RBFOX1: variants seen among roughly 807,000 people sequenced by gnomAD.
RBFOX1 encodes the protein RNA binding fox-1 homolog 1, also known as RNA binding protein fox-1 homolog 1.
In RBFOX1, 8 loss-of-function variants were observed where a neutral mutation model predicts 57.7. The ratio of observed to expected loss-of-function variants is 0.14; its 90% CI spans 0.08 to 0.25. The LOEUF is 0.25. Among genes scored for constraint, RBFOX1 ranks in the 10% least tolerant of loss-of-function variants. RBFOX1 has a pLI of 1.00. For synonymous variants in RBFOX1, 326 were observed against 222.4 expected (o/e 1.47, Z -4.15); for missense variants, 611 against 548.5 (o/e 1.11, Z -1.14).
At position 6,854,456 on chromosome 16, in the gene RBFOX1, T is replaced by G. The variant is rs537744334; in HGVS notation, c.-15-197601T>G. Among the ~76,000 whole-genome samples the G allele has an allele frequency of 1.4e-4, 21 of 152,192 alleles. No homozygotes were observed. In the South Asian group the frequency reaches 4.0e-3, roughly 29 times the overall value. On this transcript the variant is annotated intron_variant, in intron 3 of 15. Coordinates refer to ENST00000550418, the MANE Select transcript of RBFOX1 (RefSeq NM_018723.4). ...AAATTGATGGAAATTCAATGGCATGTTACACCTTGAGGGCTGCCAGAAATA... is the reference window on the plus strand; with the variant it reads ...AAATTGATGGAAATTCAATGGCATGGTACACCTTGAGGGCTGCCAGAAATA...
intron 1 of RBFOX1, among the ~76,000 whole-genome samples, chr16:6,109,463 A>T (rs1201238588): frequency 2.0e-5 from 3 of 152,012 alleles, no homozygotes; most frequent in Admixed American, 6.6e-5. Flanking sequence ...GTGGAGATAA[A>T]TTTTTTCACT....
chr16:7,626,506 G>A (rs377752003), intron 10 of RBFOX1, among the ~76,000 whole-genome samples: 11 of 152,242 alleles, frequency 7.2e-5, no homozygotes, highest in South Asian at 4.1e-4. Flanking sequence ...GCTTTGGAAC[G>A]GGCTCTGATT....
intron 13 of RBFOX1, among the ~76,000 whole-genome samples, chr16:7,671,285 C>G (rs930961227): frequency 1.3e-5 from 2 of 152,166 alleles, no homozygotes; most frequent in African/African-American, 4.8e-5. Flanking sequence ...ATGAAATTAT[C>G]TTTTTCTTCT....
chr16:5,979,646 G>A (rs1036152306), intron 4 of RBFOX1, among the ~76,000 whole-genome samples: 9 of 152,126 alleles, frequency 5.9e-5, no homozygotes, highest in African/African-American at 9.7e-5. Flanking sequence ...GATGGATCAC[G>A]AAGTCAAGAG....
intron 3 of RBFOX1, among the ~76,000 whole-genome samples, chr16:6,957,892 G>T (rs900511766): frequency 3.3e-5 from 5 of 152,092 alleles, no homozygotes; most frequent in Admixed American, 3.3e-4. Context: ...CCCTTAAATG[G>T]CCCCTCCCTT....
intron 3 of RBFOX1, among the ~76,000 whole-genome samples, chr16:6,904,620 A>G (rs1478761269): frequency 6.6e-6 from 1 of 150,772 alleles, no homozygotes; most frequent in Non-Finnish European, 1.5e-5. Context: ...AAAAAAAAAA[A>G]AAAAAAAAGA....
At chr16:7,560,642 T>C (rs1250659787) in intron 5 of RBFOX1, among the ~76,000 whole-genome samples, 1 of 152,156 alleles carries the variant, frequency 6.6e-6, no homozygotes. Context: ...AGTGTCATCC[T>C]TCCTTTTTCA....
intron 3 of RBFOX1, among the ~76,000 whole-genome samples, chr16:5,633,691 T>C (rs534618680): frequency 4.6e-5 from 7 of 151,820 alleles, no homozygotes; most frequent in African/African-American, 9.7e-5. Context: ...CTGGCCAACA[T>C]CGTGAAACTC....
chr16:7,033,918 A>G (rs371383936), intron 3 of RBFOX1, among the ~76,000 whole-genome samples: 3 of 152,190 alleles, frequency 2.0e-5, no homozygotes, highest in East Asian at 3.8e-4. Context: ...GCAGTGAGCT[A>G]TGATTGCACT....
chr16:6,813,009 TAAAA>T (rs2089147744), intron 3 of RBFOX1, among the ~76,000 whole-genome samples: 1 of 151,966 alleles, frequency 6.6e-6, no homozygotes, highest in Non-Finnish European at 1.5e-5. Context: ...GATTTTTAAA[TAAAA>T]CTTTATTTCA....
intron 3 of RBFOX1, among the ~76,000 whole-genome samples, chr16:5,855,298 C>T (rs906422553): frequency 3.9e-5 from 6 of 152,120 alleles, no homozygotes; most frequent in African/African-American, 7.2e-5. Context: ...ATTCACTACG[C>T]AGACCAATGT....
At chr16:5,344,750 T>G (rs2065104300) in intron 1 of RBFOX1, among the ~76,000 whole-genome samples, 2 of 152,130 alleles carry the variant, frequency 1.3e-5, no homozygotes, top group South Asian at 4.2e-4. Flanking sequence ...AAATATAACT[T>G]CATGAAAAAA....
chr16:7,078,693 T>A lies in RBFOX1; in HGVS notation c.27+26595T>A, dbSNP rs575630751. 2.5e-3 allele frequency among the ~76,000 whole-genome samples: 372 copies of A among 148,078 alleles called. 1 individual carries two copies. Among genetic ancestry groups the A allele is most frequent in the African/African-American group, 8.9e-3 (356 of 39,990 alleles). On this transcript the variant is annotated intron_variant, in intron 4 of 15. Coordinates refer to ENST00000550418, the MANE Select transcript of RBFOX1 (RefSeq NM_018723.4). ...TCTTATTTTATTTATTTTATTTTAT[T>A]TTTTTTTGAGACAGGCTCTCGCTCT... is the stretch of plus-strand genomic sequence containing the variant.
intron 4 of RBFOX1, among the ~76,000 whole-genome samples, chr16:7,460,386 T>TATATATATATATATAC (rs2059329814): frequency 6.6e-5 from 6 of 90,800 alleles, no homozygotes; most frequent in Non-Finnish European, 1.0e-4. Context: ...TATATATATA[T>TATATATATATATATAC]ATATGTGTGT....
At chr16:6,852,510 A>G (rs1201527312) in intron 3 of RBFOX1, among the ~76,000 whole-genome samples, 2 of 152,232 alleles carry the variant, frequency 1.3e-5, no homozygotes, top group African/African-American at 4.8e-5. Flanking sequence ...CAAGTAGGGA[A>G]CAATTCCTTG....
At chr16:5,324,952 C>A (rs1017871078) in intron 1 of RBFOX1, among the ~76,000 whole-genome samples, 2 of 152,184 alleles carry the variant, frequency 1.3e-5, no homozygotes. Flanking sequence ...GGCCACAGAA[C>A]CCTGGTGATG....
Position 6,989,687 on chromosome 16 carries a change from T to C in RBFOX1, c.-15-62370T>C, listed in dbSNP as rs116272086. ...AAGCTACTTGGAACAGAGGTGTTGATGGAAATGAAGAAATAGAAGTCCCTA... is the reference window on the plus strand; with the variant it reads ...AAGCTACTTGGAACAGAGGTGTTGACGGAAATGAAGAAATAGAAGTCCCTA... On this transcript the variant is annotated intron_variant, in intron 3 of 15. Transcript: ENST00000550418. 2.8e-3 allele frequency among the ~76,000 whole-genome samples: 420 copies of C among 152,134 alleles called. 1 individual carries two copies. The highest frequency in any genetic ancestry group is 9.5e-3 in the African/African-American group (396 of 41,514).
At chr16:6,224,147 C>G (rs2097398483) in intron 1 of RBFOX1, among the ~76,000 whole-genome samples, 1 of 151,588 alleles carries the variant, frequency 6.6e-6, no homozygotes, top group Non-Finnish European at 1.5e-5. Flanking sequence ...ATGCCTCCAG[C>G]TTTGTTCTTT....
At chr16:6,361,901 TG>T (rs2088616501) in intron 2 of RBFOX1, among the ~76,000 whole-genome samples, 2 of 152,110 alleles carry the variant, frequency 1.3e-5, no homozygotes, top group Admixed American at 6.5e-5. Flanking sequence ...CAGCCGTTTT[TG>T]TTTTTTTTCA....
Sources: gnomAD v4.1 joint callset for allele counts (sites outside exome capture counted in the v4.1 genomes callset) on GRCh38, gnomAD v4.1.1 for gene constraint, MANE v1.5 for transcripts, NCBI Gene and HGNC (gene_info 2026-07-23, HGNC 2026-07-21) for gene names.